Variants in PCDH11X observed in about 807,000 individuals in gnomAD.
The protein encoded by PCDH11X is protocadherin-11 X-linked.
A neutral mutation model predicts 53.3 loss-of-function variants in PCDH11X; 18 were observed. The ratio of observed to expected loss-of-function variants is 0.34; its 90% confidence interval spans 0.23 to 0.50. The LOEUF is 0.50. PCDH11X is among the 20% of genes least tolerant of loss of function. The pLI is 0.98. For missense variants in PCDH11X, 570 were observed against 1,032.4 expected, an observed-to-expected ratio of 0.55 and a Z score of 6.14; for synonymous variants, 279 against 393.3, an observed-to-expected ratio of 0.71 and a Z score of 3.44.
At chrX:91,858,854 A>T (rs1233036130) in intron 5 of PCDH11X, among the ~76,000 whole-genome samples, 1 of 111,566 alleles carries the variant, frequency 9.0e-6, no homozygotes, top group Non-Finnish European at 1.9e-5. Context: ...GGAAGTTCCA[A>T]ACTTTCCCAC....
At position 92,586,859 on chromosome X, in the gene PCDH11X, C is replaced by T. The variant is rs747685271; in HGVS notation, c.3368-31405C>T. 3.6e-5 allele frequency among the ~76,000 whole-genome samples: 4 copies of T among 111,281 alleles called. No individual in the cohort carries two copies. In the South Asian group the frequency reaches 1.5e-3, roughly 42 times the overall value. On this transcript the variant is annotated intron_variant, in intron 10 of 10. Coordinates refer to ENST00000682573, the MANE Select transcript of PCDH11X (RefSeq NM_032968.5). Reference sequence around the variant, plus strand: ...AATCTTGATTGAATATTTCAAATAACTCAGCTATGCATTTGTACCACATTT... The same window carrying T: ...AATCTTGATTGAATATTTCAAATAATTCAGCTATGCATTTGTACCACATTT...
chrX:92,034,671 T>C (rs748885742), intron 6 of PCDH11X, among the ~76,000 whole-genome samples: 3 of 110,436 alleles, frequency 2.7e-5, no homozygotes, highest in Non-Finnish European at 3.8e-5. Flanking sequence ...CAACACATCA[T>C]TGGGAATTGC....
intron 9 of PCDH11X, among the ~76,000 whole-genome samples, chrX:92,412,589 CT>C (rs1330248154): frequency 1.2e-4 from 10 of 86,637 alleles, no homozygotes; most frequent in Non-Finnish European, 1.9e-4. Flanking sequence ...TATAATTTAT[CT>C]TTTTTTTTTA....
chrX:92,113,127 C>T lies in PCDH11X; in HGVS notation c.3034-88248C>T. 6 of 676,087 alleles carry T rather than the reference C, an allele frequency of 8.9e-6. No homozygotes were observed. The Admixed American group carries it at 1.5e-4, about 17-fold the overall frequency. The allele number at this position is 676,087 out of a possible 1,213,427, so 55.7% of individuals were successfully genotyped here. A position where few individuals can be genotyped will look rare whatever the true frequency, so the allele number is the denominator to read the frequency against. On this transcript the variant is annotated intron_variant, in intron 6 of 10. Transcript: ENST00000682573. ...TTTGCCTCAAAAAGTGACATTTATT[C>T]AAAGAAAAAAAATGACAAGATGTCT...
At position 92,599,850 on chromosome X, in the gene PCDH11X, G is replaced by T. The variant is rs779996792; in HGVS notation, c.3368-18414G>T. Among the ~76,000 whole-genome samples, 274 of 111,429 alleles carry T rather than the reference G, an allele frequency of 2.5e-3. 1 individual carries two copies. In the Middle Eastern group the frequency reaches 0.028, roughly 11 times the overall value. ...TGACCAAAAAGTTCAGGCTGAGGTGGTCCCAGAAGGAGATGAGGAAGTTAT... is the reference window on the plus strand; with the variant it reads ...TGACCAAAAAGTTCAGGCTGAGGTGTTCCCAGAAGGAGATGAGGAAGTTAT... On this transcript the variant is annotated intron_variant, in intron 10 of 10. Transcript: ENST00000682573.
At chrX:92,325,095 T>A (rs1383742955) in intron 8 of PCDH11X, among the ~76,000 whole-genome samples, 2 of 111,822 alleles carry the variant, frequency 1.8e-5, no homozygotes, top group Non-Finnish European at 3.8e-5. Context: ...GTGTTTTTGC[T>A]ATTGTGAATA....
At chrX:91,884,343 G>T (rs754213492) in intron 6 of PCDH11X, among the ~76,000 whole-genome samples, 1 of 110,621 alleles carries the variant, frequency 9.0e-6, no homozygotes, top group Non-Finnish European at 1.9e-5. Context: ...TTGAAAAAAA[G>T]TATATTGATA....
At chrX:92,175,793 C>CTTCCATGCATGTAAAAATAAG (rs2065900115) in intron 6 of PCDH11X, among the ~76,000 whole-genome samples, 1 of 79,748 alleles carries the variant, frequency 1.3e-5, no homozygotes, top group Non-Finnish European at 2.5e-5. Context: ...TATACACACA[C>CTTCCATGCATGTAAAAATAAG]ACACACACAC....
intron 6 of PCDH11X, among the ~76,000 whole-genome samples, chrX:92,176,447 T>C (rs2065910859): frequency 8.9e-6 from 1 of 111,944 alleles, no homozygotes; most frequent in African/African-American, 3.2e-5. Flanking sequence ...CATACATTAA[T>C]TCAGTGTGCA....
intron 6 of PCDH11X, among the ~76,000 whole-genome samples, chrX:92,160,883 C>T (rs1204872216): frequency 1.8e-5 from 2 of 109,967 alleles, no homozygotes; most frequent in Non-Finnish European, 3.8e-5. Context: ...GGAGTAAGGT[C>T]GTATCACATT....
intron 1 of PCDH11X, among the ~76,000 whole-genome samples, chrX:91,792,556 C>G (rs1163162588): frequency 9.0e-6 from 1 of 110,833 alleles, no homozygotes; most frequent in Non-Finnish European, 1.9e-5. Context: ...ATAATACATA[C>G]TAAATGTCTA....
At chrX:92,069,685 TG>T (rs1487976590) in intron 6 of PCDH11X, among the ~76,000 whole-genome samples, 1 of 111,152 alleles carries the variant, frequency 9.0e-6, no homozygotes. Context: ...ATCTTAAAAC[TG>T]ATATTATTTT....
intron 6 of PCDH11X, among the ~76,000 whole-genome samples, chrX:92,135,199 T>C (rs1297205045): frequency 4.5e-5 from 5 of 111,738 alleles, no homozygotes; most frequent in Admixed American, 9.6e-5. Context: ...GCAGCTTTAA[T>C]GCATTTTATA....
intron 9 of PCDH11X, among the ~76,000 whole-genome samples, chrX:92,425,104 G>A (rs2754989): frequency 1.2e-4 from 13 of 106,189 alleles, no homozygotes; most frequent in Non-Finnish European, 1.6e-4. Context: ...ACAAACTGTC[G>A]TTATCAGCAT....
intron 10 of PCDH11X, among the ~76,000 whole-genome samples, chrX:92,582,786 G>A (rs752437738): frequency 9.1e-6 from 1 of 110,388 alleles, no homozygotes; most frequent in South Asian, 3.9e-4. Context: ...GAGGGAGGCT[G>A]TACCCTGCAA....
chrX:91,791,682 G>GTTT (rs1935544014), intron 1 of PCDH11X, among the ~76,000 whole-genome samples: 1 of 85,228 alleles, frequency 1.2e-5, no homozygotes, highest in Non-Finnish European at 2.2e-5. Context: ...ATCTTTTTAG[G>GTTT]GTTTTTTTTT....
chrX:91,990,564 A>G (rs1483171480), intron 6 of PCDH11X, among the ~76,000 whole-genome samples: 1 of 111,764 alleles, frequency 8.9e-6, no homozygotes, highest in Non-Finnish European at 1.9e-5. Context: ...TTTTATTATG[A>G]AACTCCAAAC....
chrX:91,960,121 A>T, intron 6 of PCDH11X, among the ~76,000 whole-genome samples: 2 of 89,650 alleles, frequency 2.2e-5, no homozygotes, highest in Non-Finnish European at 4.4e-5. Flanking sequence ...CCCATTTTTA[A>T]ATTGTATTAT....
chrX:92,346,050 C>A (rs2069887767), intron 8 of PCDH11X, among the ~76,000 whole-genome samples: 1 of 110,630 alleles, frequency 9.0e-6, no homozygotes, highest in Non-Finnish European at 1.9e-5. Flanking sequence ...TTTAGATCTT[C>A]TTTTTCTTTA....
Sources: gnomAD v4.1 joint callset for allele counts (sites outside exome capture counted in the v4.1 genomes callset) on GRCh38, gnomAD v4.1.1 for gene constraint, MANE v1.5 for transcripts, NCBI Gene and HGNC (gene_info 2026-07-23, HGNC 2026-07-21) for gene names.